The following GRM7 variants were observed in gnomAD, a reference collection of about 807,000 sequenced individuals.
GRM7 encodes the protein glutamate metabotropic receptor 7, also known as metabotropic glutamate receptor 7.
GRM7 carries 35 observed loss-of-function variants against 84.5 expected under a neutral mutation model. The observed-to-expected ratio is 0.41, with a 90% CI of 0.32 to 0.55. The LOEUF is 0.55. Among genes scored for constraint, GRM7 ranks in the 20% least tolerant of loss-of-function variants. The probability of loss-of-function intolerance (pLI) is 0.19; values close to 1 mark genes in which losing one functional copy is unlikely to be tolerated. For synonymous variants in GRM7, 487 were observed against 455.1 expected, an observed-to-expected ratio of 1.07 and a Z score of -0.89; for missense variants, 1,003 against 1,194.6, an observed-to-expected ratio of 0.84 and a Z score of 2.36.
At chr3:7,239,992 G>A (rs183723660) in intron 2 of GRM7, among the ~76,000 whole-genome samples, 30 of 151,914 alleles carry the variant, frequency 2.0e-4, no homozygotes, top group African/African-American at 5.3e-4. Flanking sequence ...GGACTCTATC[G>A]TTTTATCAAT....
At chr3:7,190,662 T>G (rs1196290594) in intron 2 of GRM7, among the ~76,000 whole-genome samples, 1 of 152,168 alleles carries the variant, frequency 6.6e-6, no homozygotes, top group African/African-American at 2.4e-5. Flanking sequence ...TGCAAGCACA[T>G]TACTGTTTTG....
chr3:7,499,806 G>A (rs923450931), intron 7 of GRM7, among the ~76,000 whole-genome samples: 1 of 145,314 alleles, frequency 6.9e-6, no homozygotes, highest in Admixed American at 6.9e-5. Flanking sequence ...ATGGAGTCTT[G>A]CTCTGTCGCC....
Position 6,980,704 on chromosome 3 carries a change from C to T in GRM7, c.519+118797C>T, listed in dbSNP as rs141817985. Among the ~76,000 whole-genome samples, 94 of 152,324 alleles carry T rather than the reference C, an allele frequency of 6.2e-4. 2 individuals are homozygous for T. The highest frequency in any genetic ancestry group is 1.9e-3 in the South Asian group (9 of 4,828). ...TGTTCACAGGTCTCTTAGCCACTCACGTGCAAGTTCTTACTAGAGTGAAAT... is the reference window on the plus strand; with the variant it reads ...TGTTCACAGGTCTCTTAGCCACTCATGTGCAAGTTCTTACTAGAGTGAAAT... On this transcript the variant is annotated intron_variant, in intron 1 of 9. Transcript: ENST00000357716.
At chr3:7,366,456 C>T (rs1479224712) in intron 4 of GRM7, among the ~76,000 whole-genome samples, 1 of 151,826 alleles carries the variant, frequency 6.6e-6, no homozygotes, top group African/African-American at 2.4e-5. Context: ...CAGAGGTCCT[C>T]TCAATGTCTT....
chr3:7,404,993 C>T (rs1465119576), intron 4 of GRM7, among the ~76,000 whole-genome samples: 1 of 151,942 alleles, frequency 6.6e-6, no homozygotes, highest in East Asian at 1.9e-4. Context: ...TGGTGTCTTC[C>T]AAGAGAGCAT....
At chr3:6,878,481 A>G (rs748808212) in intron 1 of GRM7, among the ~76,000 whole-genome samples, 5 of 151,322 alleles carry the variant, frequency 3.3e-5, no homozygotes, top group Non-Finnish European at 5.9e-5. Context: ...CATCTAGTTT[A>G]ATGAGCAAAT....
At chr3:6,948,766 T>C (rs1339039675) in intron 1 of GRM7, among the ~76,000 whole-genome samples, 2 of 152,220 alleles carry the variant, frequency 1.3e-5, no homozygotes, top group Admixed American at 1.3e-4. Flanking sequence ...ATATTTAGGA[T>C]AGTTAGTTCT....
intron 1 of GRM7, among the ~76,000 whole-genome samples, chr3:7,043,697 C>A (rs1696707239): frequency 6.6e-6 from 1 of 152,186 alleles, no homozygotes; most frequent in Non-Finnish European, 1.5e-5. Flanking sequence ...TAACATCCCA[C>A]ACATAATGCA....
intron 1 of GRM7, among the ~76,000 whole-genome samples, chr3:6,962,274 T>C (rs574180807): frequency 4.6e-5 from 7 of 152,308 alleles, no homozygotes; most frequent in African/African-American, 1.7e-4. Flanking sequence ...AGCTGAATAA[T>C]TTTTTGTCGA....
intron 1 of GRM7, among the ~76,000 whole-genome samples, chr3:7,106,392 G>A (rs1407477012): frequency 6.6e-6 from 1 of 150,496 alleles, no homozygotes; most frequent in Non-Finnish European, 1.5e-5. Flanking sequence ...CCCAATTCAT[G>A]TTCCAGTCCC....
intron 7 of GRM7, among the ~76,000 whole-genome samples, chr3:7,473,843 C>T (rs1035640186): frequency 2.2e-4 from 34 of 152,162 alleles, no homozygotes; most frequent in African/African-American, 7.5e-4. Context: ...GATGGATTTT[C>T]AGGACCAACA....
intron 2 of GRM7, among the ~76,000 whole-genome samples, chr3:7,180,056 A>C (rs144771024): frequency 2.6e-5 from 4 of 152,250 alleles, no homozygotes; most frequent in Non-Finnish European, 5.9e-5. Flanking sequence ...TTTTCTTTCA[A>C]CCTTCTTTTA....
chr3:7,322,789 T>G (rs572818259), intron 4 of GRM7, among the ~76,000 whole-genome samples: 5 of 152,060 alleles, frequency 3.3e-5, no homozygotes, highest in Admixed American at 6.6e-5. Context: ...TCTTTACTAC[T>G]TTATACTCTA....
intron 1 of GRM7, among the ~76,000 whole-genome samples, chr3:7,126,922 G>A (rs539322266): frequency 1.5e-4 from 23 of 152,248 alleles, no homozygotes; most frequent in African/African-American, 5.5e-4. Flanking sequence ...GAGATATTGA[G>A]AACAAGGTGC....
intron 5 of GRM7, 113 bp from the exon 6 acceptor site, chr3:7,452,494 A>G: frequency 1.3e-6 from 1 of 749,266 alleles, no homozygotes. Context: ...TTATCGAAGC[A>G]GTGTTTTCTT....
chr3:6,936,907 C>A (rs550149364), intron 1 of GRM7, among the ~76,000 whole-genome samples: 1 of 152,288 alleles, frequency 6.6e-6, no homozygotes, highest in East Asian at 1.9e-4. Flanking sequence ...GGACCTAAAT[C>A]TTTGTTGACA....
chr3:6,973,321 C>T (rs1693838778), intron 1 of GRM7, among the ~76,000 whole-genome samples: 1 of 151,836 alleles, frequency 6.6e-6, no homozygotes, highest in African/African-American at 2.4e-5. Flanking sequence ...TACTATGTAC[C>T]ATGTTCCTTC....
intron 4 of GRM7, among the ~76,000 whole-genome samples, chr3:7,385,116 A>T (rs933325848): frequency 6.6e-6 from 1 of 152,064 alleles, no homozygotes; most frequent in African/African-American, 2.4e-5. Flanking sequence ...CAATAACTTG[A>T]TAAGCCTTTC....
chr3:7,439,969 A>G (rs1697220833), intron 5 of GRM7, among the ~76,000 whole-genome samples: 1 of 152,186 alleles, frequency 6.6e-6, no homozygotes, highest in Non-Finnish European at 1.5e-5. Context: ...TTAAGGAAGT[A>G]TGTGAAAACT....
Sources: allele counts gnomAD v4.1 joint callset (sites outside exome capture counted in the v4.1 genomes callset), GRCh38; gene constraint gnomAD v4.1.1; transcripts MANE v1.5; gene names NCBI Gene and HGNC (gene_info 2026-07-23, HGNC 2026-07-21).